The following GABRB3 variants were observed in gnomAD, a reference collection of about 807,000 sequenced individuals.
GABRB3 encodes the protein gamma-aminobutyric acid type A receptor subunit beta3.
GABRB3 carries 14 observed loss-of-function variants against 52.1 expected under a neutral mutation model. The observed-to-expected ratio is 0.27, with a 90% CI of 0.18 to 0.42. GABRB3 has a LOEUF of 0.42. Among genes scored for constraint, GABRB3 ranks in the 10% least tolerant of loss-of-function variants. The pLI is 1.00. For synonymous variants in GABRB3, 260 were observed against 232.3 expected, an observed-to-expected ratio of 1.12 and a Z score of -1.08; for missense variants, 307 against 609.1, an observed-to-expected ratio of 0.50 and a Z score of 5.22.
At chr15:26,594,110 C>CT (rs1434759727) in intron 4 of GABRB3, among the ~76,000 whole-genome samples, 2 of 150,342 alleles carry the variant, frequency 1.3e-5, no homozygotes, top group Non-Finnish European at 3.0e-5. Context: ...TGGCTATTGT[C>CT]TTTTTTCCTA....
chr15:26,740,114 G>C (rs1050057753), intron 3 of GABRB3, among the ~76,000 whole-genome samples: 2 of 152,100 alleles, frequency 1.3e-5, no homozygotes, highest in African/African-American at 4.8e-5. Flanking sequence ...CAGCTTCCCA[G>C]GGCTGACCAA....
intron 4 of GABRB3, among the ~76,000 whole-genome samples, chr15:26,605,083 T>C (rs1406396074): frequency 6.6e-6 from 1 of 151,946 alleles, no homozygotes; most frequent in African/African-American, 2.4e-5. Context: ...CAAAGTGTCA[T>C]TAATTAAAAC....
intron 3 of GABRB3, among the ~76,000 whole-genome samples, chr15:26,718,955 G>A (rs967761379): frequency 9.2e-5 from 14 of 152,076 alleles, no homozygotes; most frequent in African/African-American, 2.9e-4. Context: ...CTGGTGTCCT[G>A]GACAAGCTCT....
intron 8 of GABRB3, among the ~76,000 whole-genome samples, chr15:26,554,189 T>C (rs867077490): frequency 7.3e-5 from 2 of 27,358 alleles, no homozygotes; most frequent in Non-Finnish European, 1.4e-4. Flanking sequence ...TATATATATA[T>C]ACTATATATA....
At chr15:26,723,542 A>G (rs1370202401) in intron 3 of GABRB3, among the ~76,000 whole-genome samples, 1 of 152,232 alleles carries the variant, frequency 6.6e-6, no homozygotes, top group Non-Finnish European at 1.5e-5. Flanking sequence ...TTCTGCCTGC[A>G]GACACAGTGT....
intron 3 of GABRB3, among the ~76,000 whole-genome samples, chr15:26,662,987 T>C (rs1443883501): frequency 2.6e-5 from 4 of 152,186 alleles, no homozygotes; most frequent in African/African-American, 9.7e-5. Flanking sequence ...TCTAGCACAA[T>C]ATCAAAAACT....
chr15:26,548,150 A>AT lies in GABRB3; in HGVS notation c.1081-17dup. The AT allele has an allele frequency of 6.2e-7, 1 of 1,601,554 alleles. No individual in the cohort carries two copies. The highest frequency in any genetic ancestry group is 8.6e-7 in the Non-Finnish European group (1 of 1,168,714). On this transcript the variant is annotated splice_polypyrimidine_tract_variant and intron_variant, in intron 8 of 8. Coordinates refer to ENST00000311550, the MANE Select transcript of GABRB3 (RefSeq NM_000814.6). Reference sequence around the variant, plus strand: ...GAGCATCCACCTAATTGGACGGAAAATGCACATGGTTAGACAGCCAGCAGC... The same window carrying AT: ...GAGCATCCACCTAATTGGACGGAAAATTGCACATGGTTAGACAGCCAGCAGC...
At chr15:26,589,762 C>T (rs1252490185) in intron 4 of GABRB3, among the ~76,000 whole-genome samples, 1 of 152,142 alleles carries the variant, frequency 6.6e-6, no homozygotes, top group African/African-American at 2.4e-5. Context: ...CGGTTCTCTC[C>T]CCAGTACCTA....
chr15:26,772,922 G>A lies in GABRB3; in HGVS notation c.41C>T (p.Ser14Leu), dbSNP rs868500530. 1 of 1,495,120 alleles carries A rather than the reference G, an allele frequency of 6.7e-7. No individual in the cohort carries two copies. Among genetic ancestry groups the A allele is most frequent in the Non-Finnish European group, 8.9e-7 (1 of 1,120,926 alleles). The allele number at this position is 1,495,120 out of a possible 1,614,324, so 92.6% of individuals were successfully genotyped here. ...CACCACAGCCACCAGCACCGGGGCC[G>A]AGAAGATGCCGAAAAGCCTTCCTCC... ...LAGGRLFGIF[S>L]APVLVAVVCC... is the part of the protein sequence containing the mutation. The change falls in exon 1 of 9, where the codon TCG (serine) becomes TTG (leucine). Residue 14 changes from serine to leucine, a missense_variant. Transcript: ENST00000311550.
chr15:26,558,847 A>AAAAGAAAGAAAG lies in GABRB3; in HGVS notation c.1080+2073_1080+2084dup, dbSNP rs537158362. On this transcript the variant is annotated intron_variant, in intron 8 of 8. Transcript: ENST00000311550. ...GAGCGAAACTCCATCTCAAAAAAAAAAAAGAAAGAAAGAAAGAAATACCTG... is the reference window on the plus strand; with the variant it reads ...GAGCGAAACTCCATCTCAAAAAAAAAAAAGAAAGAAAGAAAGAAAGAAAGAAAGAAATACCTG... Among the ~76,000 whole-genome samples, 259 of 151,954 alleles carry AAAAGAAAGAAAG rather than the reference A, an allele frequency of 1.7e-3. 6 individuals carry two copies. In the East Asian group the frequency reaches 0.033, roughly 19 times the overall value.
At chr15:26,772,255 G>C in intron 3 of GABRB3, 147 bp downstream of exon 3, 1 of 654,586 alleles carries the variant, frequency 1.5e-6, no homozygotes, top group Non-Finnish European at 2.5e-6. Flanking sequence ...GCAAGCGAGG[G>C]GCCGGCGCCT....
chr15:26,772,309 C>A (rs1273851629), intron 3 of GABRB3, 93 bp downstream of exon 3: 3 of 1,149,604 alleles, frequency 2.6e-6, no homozygotes, highest in Non-Finnish European at 3.8e-6. Flanking sequence ...TCGGCCCCGG[C>A]CGAAGAGGCC....
chr15:26,628,856 G>A, intron 3 of GABRB3: 5 of 1,027,292 alleles, frequency 4.9e-6, no homozygotes, highest in Non-Finnish European at 5.7e-6. Context: ...GGCCTGAAAC[G>A]GCAGTCCTCA....
chr15:26,669,170 C>T (rs1199202416), intron 3 of GABRB3, among the ~76,000 whole-genome samples: 1 of 152,198 alleles, frequency 6.6e-6, no homozygotes, highest in African/African-American at 2.4e-5. Context: ...ACCTCTCAAA[C>T]CCCTGGTGTA....
rs1566814157 is a variant in GABRB3, at chr15:26,709,507, T to TTTTC, written c.240+62891_240+62894dup. Among the ~76,000 whole-genome samples, 29 of 134,118 alleles carry TTTTC rather than the reference T, an allele frequency of 2.2e-4. No individual in the cohort carries two copies. In the Admixed American group the frequency reaches 2.2e-3, roughly 10 times the overall value. 88.0% of individuals were successfully genotyped at this position (134,118 alleles called of 152,430 possible). A position where few individuals can be genotyped will look rare whatever the true frequency, so the allele number is the denominator to read the frequency against. On this transcript the variant is annotated intron_variant, in intron 3 of 8. Transcript: ENST00000311550. The stretch of plus-strand genomic sequence containing the variant: ...GAGCCACGTAAACCTCTTTTCTTTT[T>TTTTC]TTTCTTTCTTTTTTTTTTTTTTTTT...
At chr15:26,677,650 A>C (rs1888110848) in intron 3 of GABRB3, among the ~76,000 whole-genome samples, 1 of 152,210 alleles carries the variant, frequency 6.6e-6, no homozygotes, top group South Asian at 2.1e-4. Flanking sequence ...ATTTACGGTA[A>C]AGGGAACCAA....
intron 3 of GABRB3, among the ~76,000 whole-genome samples, chr15:26,712,675 G>A (rs1324263593): frequency 6.6e-6 from 1 of 152,112 alleles, no homozygotes; most frequent in Non-Finnish European, 1.5e-5. Flanking sequence ...TGTATTACAT[G>A]TCAGTGTTGC....
At chr15:26,708,925 A>C (rs1317910844) in intron 3 of GABRB3, among the ~76,000 whole-genome samples, 1 of 152,202 alleles carries the variant, frequency 6.6e-6, no homozygotes, top group African/African-American at 2.4e-5. Context: ...AGAAGCACAT[A>C]ACTGGTATGT....
chr15:26,709,776 C>T (rs2315902), intron 3 of GABRB3, among the ~76,000 whole-genome samples: 1 of 152,134 alleles, frequency 6.6e-6, no homozygotes, highest in Non-Finnish European at 1.5e-5. Context: ...CTTGGCCTCC[C>T]AAAGTGCTGG....
Sources: allele counts gnomAD v4.1 joint callset (sites outside exome capture counted in the v4.1 genomes callset), GRCh38; gene constraint gnomAD v4.1.1; transcripts MANE v1.5; gene names NCBI Gene and HGNC (gene_info 2026-07-23, HGNC 2026-07-21).